Variants in TENM3 observed in about 807,000 individuals in gnomAD.
TENM3 encodes teneurin-3.
Under a neutral mutation model 255.1 loss-of-function variants are expected in TENM3, and 63 were observed. That is an observed-to-expected ratio of 0.25 (90% CI 0.20 to 0.30). The LOEUF (loss-of-function observed/expected upper bound fraction) is 0.30. Among genes scored for constraint, TENM3 ranks in the 10% least tolerant of loss-of-function variants. The probability of loss-of-function intolerance (pLI) is 1.00; values close to 1 mark genes in which losing one functional copy is unlikely to be tolerated. For synonymous variants in TENM3, 1,306 were observed against 1,322.3 expected, an observed-to-expected ratio of 0.99 and a Z score of 0.27; for missense variants, 2,929 against 3,461.1, an observed-to-expected ratio of 0.85 and a Z score of 3.86.
intron 1 of TENM3, among the ~76,000 whole-genome samples, chr4:182,304,216 G>T (rs554774300): frequency 2.0e-5 from 3 of 151,968 alleles, no homozygotes; most frequent in African/African-American, 7.2e-5. Flanking sequence ...TCTCTTTCAA[G>T]AAATTTTTTT....
chr4:181,792,326 G>T, the TENM3 span, among the ~76,000 whole-genome samples: 1 of 152,248 alleles, frequency 6.6e-6, no homozygotes, highest in East Asian at 1.9e-4. Context: ...CTCAAAAATG[G>T]AAGTTAAATT....
At chr4:182,757,549 G>A (rs1282965640) in intron 22 of TENM3, among the ~76,000 whole-genome samples, 1 of 152,072 alleles carries the variant, frequency 6.6e-6, no homozygotes, top group Non-Finnish European at 1.5e-5. Context: ...TTTGCTTATG[G>A]CCTACAAATG....
intron 1 of TENM3, among the ~76,000 whole-genome samples, chr4:182,220,447 C>T (rs527402499): frequency 1.3e-5 from 2 of 150,898 alleles, no homozygotes; most frequent in South Asian, 2.1e-4. Flanking sequence ...AGCTCTCCTG[C>T]CTTACACTGT....
intron 1 of TENM3, among the ~76,000 whole-genome samples, chr4:182,274,443 C>A (rs1759857882): frequency 6.6e-6 from 1 of 152,128 alleles, no homozygotes; most frequent in Admixed American, 6.5e-5. Flanking sequence ...AAAAGATGTC[C>A]TTGGCAGCTT....
chr4:182,085,591 C>T, the TENM3 span, among the ~76,000 whole-genome samples: 1 of 152,052 alleles, frequency 6.6e-6, no homozygotes, highest in Non-Finnish European at 1.5e-5. Flanking sequence ...ATTTTTTCTT[C>T]AATTCACACT....
At chr4:182,027,848 A>G in the TENM3 span, among the ~76,000 whole-genome samples, 1 of 152,064 alleles carries the variant, frequency 6.6e-6, no homozygotes, top group South Asian at 2.1e-4. Context: ...TTTTAAATTT[A>G]TTGTTGAATT....
At chr4:182,552,053 A>G (rs1742091850) in intron 3 of TENM3, among the ~76,000 whole-genome samples, 1 of 151,744 alleles carries the variant, frequency 6.6e-6, no homozygotes, top group African/African-American at 2.4e-5. Flanking sequence ...GTTAAATGAT[A>G]TGTAACATTT....
the TENM3 span, among the ~76,000 whole-genome samples, chr4:181,641,546 G>T: frequency 2.5e-5 from 1 of 39,284 alleles, no homozygotes; most frequent in African/African-American, 1.1e-4. Context: ...GTATTCCATG[G>T]TGTGTGTGTA....
At chr4:182,580,130 A>G (rs372248938) in intron 3 of TENM3, among the ~76,000 whole-genome samples, 18 of 151,676 alleles carry the variant, frequency 1.2e-4, no homozygotes, top group Middle Eastern at 3.2e-3. Flanking sequence ...AGAGATTGAG[A>G]TTCACTTTGT....
chr4:182,098,738 G>A, the TENM3 span, among the ~76,000 whole-genome samples: 1 of 152,106 alleles, frequency 6.6e-6, no homozygotes, highest in African/African-American at 2.4e-5. Flanking sequence ...TAAATGGAAG[G>A]AATACAATCT....
the TENM3 span, among the ~76,000 whole-genome samples, chr4:181,645,310 C>T: frequency 3.9e-5 from 6 of 152,274 alleles, no homozygotes; most frequent in African/African-American, 1.4e-4. Flanking sequence ...TCCCAGGATT[C>T]TGGTGGTTAG....
intron 3 of TENM3, among the ~76,000 whole-genome samples, chr4:182,543,722 G>T (rs917117261): frequency 6.6e-6 from 1 of 151,510 alleles, no homozygotes; most frequent in Non-Finnish European, 1.5e-5. Context: ...TTTTTTGGTG[G>T]TATTCCATCT....
the TENM3 span, among the ~76,000 whole-genome samples, chr4:181,485,389 G>T: frequency 6.6e-6 from 1 of 151,990 alleles, no homozygotes; most frequent in Non-Finnish European, 1.5e-5. Flanking sequence ...AAAACTAAGA[G>T]ATTAATGCCA....
intron 12 of TENM3, among the ~76,000 whole-genome samples, chr4:182,693,239 T>C (rs1245046974): frequency 6.6e-6 from 1 of 152,202 alleles, no homozygotes; most frequent in Non-Finnish European, 1.5e-5. Flanking sequence ...CAAAAGTCAG[T>C]GTAAGATAAT....
intron 1 of TENM3, among the ~76,000 whole-genome samples, chr4:182,179,264 GC>G (rs1752699843): frequency 6.6e-6 from 1 of 152,186 alleles, no homozygotes; most frequent in Non-Finnish European, 1.5e-5. Flanking sequence ...GTACAAGAGA[GC>G]AGCTGCCTTT....
At chr4:181,464,424 G>A in the TENM3 span, among the ~76,000 whole-genome samples, 1 of 152,048 alleles carries the variant, frequency 6.6e-6, no homozygotes, top group Non-Finnish European at 1.5e-5. Context: ...TTTTCAGGTG[G>A]TTCTTGATCA....
intron 5 of TENM3, among the ~76,000 whole-genome samples, chr4:182,637,641 T>C (rs1161814510): frequency 2.6e-5 from 4 of 152,248 alleles, no homozygotes; most frequent in Admixed American, 6.5e-5. Flanking sequence ...CGTCATTCAT[T>C]CAACATTTAT....
chr4:182,072,943 A>G, the TENM3 span, among the ~76,000 whole-genome samples: 2,208 of 152,324 alleles, frequency 0.014, 46 homozygotes, highest in African/African-American at 0.05. Flanking sequence ...ATAAGGGTGA[A>G]GCCCTAATCC....
At chr4:182,372,945 G>A (rs1192650028) in intron 3 of TENM3, among the ~76,000 whole-genome samples, 1 of 152,056 alleles carries the variant, frequency 6.6e-6, no homozygotes, top group Non-Finnish European at 1.5e-5. Flanking sequence ...TCACCAGGTT[G>A]CTCAGGCTGG....
Sources: allele counts gnomAD v4.1 joint callset (sites outside exome capture counted in the v4.1 genomes callset), GRCh38; gene constraint gnomAD v4.1.1; transcripts MANE v1.5; gene names NCBI Gene and HGNC (gene_info 2026-07-23, HGNC 2026-07-21).